Variants in ARAP2 observed in about 807,000 individuals in gnomAD.
The protein encoded by ARAP2 is arf-GAP with Rho-GAP domain, ANK repeat and PH domain-containing protein 2.
Under a neutral mutation model 194.5 loss-of-function variants are expected in ARAP2, and 148 were observed. The ratio of observed to expected loss-of-function variants is 0.76; its 90% CI spans 0.67 to 0.87. The LOEUF (loss-of-function observed/expected upper bound fraction) is 0.87, where lower values mean the gene tolerates loss of function less well. Ranked by LOEUF, ARAP2 falls within the 40% of genes least tolerant of loss-of-function variation. The pLI is 0.00. For synonymous variants in ARAP2, 695 were observed against 683.5 expected (o/e 1.02, Z -0.26); for missense variants, 2,128 against 1,989.7 (o/e 1.07, Z -1.32).
intron 9 of ARAP2, among the ~76,000 whole-genome samples, chr4:36,177,252 G>A (rs997872006): frequency 2.6e-5 from 4 of 151,840 alleles, no homozygotes; most frequent in African/African-American, 9.7e-5. Flanking sequence ...AATTTTAATC[G>A]ATTTTATTTA....
At chr4:36,035,142 G>A (rs1364572096) in intron 5 of ARAP2, among the ~76,000 whole-genome samples, 1 of 151,888 alleles carries the variant, frequency 6.6e-6, no homozygotes, top group Non-Finnish European at 1.5e-5. Context: ...TTTAATAATA[G>A]TTTCCGTAGG....
At chr4:36,006,543 C>T (rs757345609) in intron 10 of ARAP2, 1 of 152,116 alleles carries the variant, frequency 6.6e-6, no homozygotes, top group South Asian at 2.1e-4. Flanking sequence ...CAGTAAATCA[C>T]AGGGTGTTAC....
At chr4:36,156,971 T>G (rs1178343034) in intron 15 of ARAP2, among the ~76,000 whole-genome samples, 1 of 152,212 alleles carries the variant, frequency 6.6e-6, no homozygotes, top group African/African-American at 2.4e-5. Context: ...AATTATTTAG[T>G]TACAATTGTT....
intron 26 of ARAP2, among the ~76,000 whole-genome samples, chr4:36,112,183 T>C (rs1720166165): frequency 6.6e-6 from 1 of 151,946 alleles, no homozygotes; most frequent in African/African-American, 2.4e-5. Flanking sequence ...GAAAAGGCTT[T>C]TGTGGAGTTT....
intron 6 of ARAP2, among the ~76,000 whole-genome samples, chr4:36,016,295 T>C (rs993714822): frequency 7.2e-5 from 11 of 152,224 alleles, no homozygotes; most frequent in Non-Finnish European, 1.3e-4. Flanking sequence ...TGAAAAAATA[T>C]ACTGGGAAAA....
intron 10 of ARAP2, among the ~76,000 whole-genome samples, chr4:36,166,588 A>G (rs887856467): frequency 2.6e-5 from 4 of 152,020 alleles, no homozygotes; most frequent in African/African-American, 9.7e-5. Flanking sequence ...AAATAGCAAT[A>G]CAACTTAAAG....
At chr4:36,213,856 A>C (rs1747322339) in intron 3 of ARAP2, among the ~76,000 whole-genome samples, 1 of 152,112 alleles carries the variant, frequency 6.6e-6, no homozygotes, top group African/African-American at 2.4e-5. Flanking sequence ...GAGAAGTTCC[A>C]CCATCCTTGA....
chr4:36,240,579 A>C (rs1753317630), intron 1 of ARAP2, among the ~76,000 whole-genome samples: 1 of 152,186 alleles, frequency 6.6e-6, no homozygotes, highest in Admixed American at 6.5e-5. Flanking sequence ...TAAGCAGGGA[A>C]AATAATAGTG....
At chr4:36,192,043 T>C (rs1461383619) in intron 7 of ARAP2, among the ~76,000 whole-genome samples, 1 of 152,120 alleles carries the variant, frequency 6.6e-6, no homozygotes, top group Non-Finnish European at 1.5e-5. Flanking sequence ...TCAGTTCTCA[T>C]AGCTGTTAAC....
chr4:36,126,013 C>T (rs1223430050), intron 21 of ARAP2, among the ~76,000 whole-genome samples: 2 of 152,002 alleles, frequency 1.3e-5, no homozygotes, highest in Admixed American at 6.6e-5. Context: ...CTGTATGACA[C>T]AGTTTTCAAG....
At chr4:36,133,093 C>T in intron 20 of ARAP2, 133 bp downstream of exon 20, 1 of 812,960 alleles carries the variant, frequency 1.2e-6, no homozygotes, top group Non-Finnish European at 1.8e-6. Flanking sequence ...AACAGTAAAT[C>T]TGCCTTTATT....
intron 2 of ARAP2, 24 bp from the exon 3 acceptor site, chr4:36,214,504 C>A: frequency 1.3e-6 from 2 of 1,514,816 alleles, no homozygotes; most frequent in Non-Finnish European, 1.8e-6. Context: ...GGAGAAAATA[C>A]TTATGAGTGA....
At chr4:36,076,530 G>A (rs572972794) in intron 31 of ARAP2, among the ~76,000 whole-genome samples, 2 of 151,832 alleles carry the variant, frequency 1.3e-5, no homozygotes, top group South Asian at 4.2e-4. Context: ...CACTGCTTTT[G>A]CTGTTTTTTT....
At chr4:36,040,499 T>G (rs184621665) in intron 5 of ARAP2, among the ~76,000 whole-genome samples, 123 of 152,324 alleles carry the variant, frequency 8.1e-4, no homozygotes, top group Middle Eastern at 3.4e-3. Context: ...TCCATTCATT[T>G]GTGTCTTTTC....
chr4:36,154,302 T>C (rs536007013), intron 15 of ARAP2, among the ~76,000 whole-genome samples: 2 of 152,314 alleles, frequency 1.3e-5, no homozygotes, highest in Non-Finnish European at 2.9e-5. Context: ...TCATTTAAAA[T>C]ACATGTGATT....
intron 2 of ARAP2, among the ~76,000 whole-genome samples, chr4:36,215,311 G>A (rs1305081542): frequency 6.6e-6 from 1 of 152,138 alleles, no homozygotes; most frequent in East Asian, 1.9e-4. Flanking sequence ...ATCGATTTAA[G>A]AAAAAAGTTC....
chr4:36,078,465 G>A (rs756262076), intron 31 of ARAP2, among the ~76,000 whole-genome samples: 1 of 152,230 alleles, frequency 6.6e-6, no homozygotes, highest in Admixed American at 6.5e-5. Flanking sequence ...ATTCGCATAC[G>A]TGTTTGTGTG....
chr4:36,170,646 A>G (rs532713757), intron 9 of ARAP2, among the ~76,000 whole-genome samples: 1 of 152,222 alleles, frequency 6.6e-6, no homozygotes, highest in Non-Finnish European at 1.5e-5. Context: ...CATTAAGCAT[A>G]TAGAGTGGAC....
chr4:36,133,230 C>G lies in ARAP2; in HGVS notation c.3423G>C (p.Gln1141His), dbSNP rs1560499508. Residue 1141 changes from glutamine (Q) to histidine (H), a missense_variant, in exon 20 of 33, where the codon CAG becomes CAC. By Grantham distance (24) the Gln-to-His change is conservative (BLOSUM62 0). Transcript: ENST00000303965. ...TAAAAACTCAGTGATACTTACCATA[C>G]TGTGTAACAAATGCTATACAGCTGT... is the stretch of plus-strand genomic sequence containing the variant. ...IVNSCIAFVT[Q>H]YGLGCKYIYQ... 3 of 1,610,144 alleles carry G rather than the reference C, an allele frequency of 1.9e-6. No homozygotes were observed. Among genetic ancestry groups the G allele is most frequent in the East Asian group, 2.2e-5 (1 of 44,656 alleles).
Sources: gnomAD v4.1 joint callset for allele counts (sites outside exome capture counted in the v4.1 genomes callset) on GRCh38, gnomAD v4.1.1 for gene constraint, MANE v1.5 for transcripts, NCBI Gene and HGNC (gene_info 2026-07-23, HGNC 2026-07-21) for gene names.